PCDHA8: variants seen among roughly 807,000 people sequenced by gnomAD.
PCDHA8 encodes protocadherin alpha-8.
Under a neutral mutation model 61.8 loss-of-function variants are expected in PCDHA8, and 53 were observed. The ratio of observed to expected loss-of-function variants is 0.86; its 90% CI spans 0.69 to 1.08. The LOEUF (loss-of-function observed/expected upper bound fraction) is 1.08, where lower values mean the gene tolerates loss of function less well. PCDHA8 is among the 50% of genes least tolerant of loss of function. The pLI is 0.00. For synonymous variants in PCDHA8, 618 were observed against 556.6 expected (o/e 1.11, Z -1.55); for missense variants, 1,293 against 1,245.0 (o/e 1.04, Z -0.58).
At chr5:140,859,726 A>G (rs929910976) in intron 1 of PCDHA8, 1 of 154,384 alleles carries the variant, frequency 6.5e-6, no homozygotes, top group Admixed American at 6.4e-5. Context: ...AAATTGTGGC[A>G]AGAATTTAAG....
chr5:140,976,378 C>A (rs908008970), intron 1 of PCDHA8, among the ~76,000 whole-genome samples: 2 of 151,926 alleles, frequency 1.3e-5, no homozygotes, highest in Non-Finnish European at 2.9e-5. Flanking sequence ...TGGTGAAACC[C>A]CATCTCTACT....
intron 1 of PCDHA8, chr5:140,884,006 C>T (rs369069323): frequency 1.2e-6 from 2 of 1,612,906 alleles, no homozygotes; most frequent in African/African-American, 2.7e-5. Context: ...AGTGAGCGAG[C>T]TGATGCCGCG....
Position 140,856,821 on chromosome 5 carries a change from C to G in PCDHA8, c.2394+13106C>G, listed in dbSNP as rs1554149155. ...ATGTATGAAAATCAAGTGAACCAAA[C>G]ATTAGTAATACGGCTCAACGCTTCT... is the stretch of plus-strand genomic sequence containing the variant. On this transcript the variant is annotated intron_variant, in intron 1 of 3. Transcript: ENST00000531613. 2.5e-6 allele frequency: 4 copies of G among 1,592,396 alleles called. 1 individual carries two copies. The South Asian group carries it at 4.4e-5, about 18-fold the overall frequency.
At chr5:140,984,973 T>C (rs1397062066) in intron 3 of PCDHA8, among the ~76,000 whole-genome samples, 1 of 152,150 alleles carries the variant, frequency 6.6e-6, no homozygotes, top group Non-Finnish European at 1.5e-5. Context: ...AGTCTCGCTC[T>C]GTCCCCCAGG....
At chr5:140,923,362 T>C (rs1294539314) in intron 1 of PCDHA8, among the ~76,000 whole-genome samples, 1 of 152,136 alleles carries the variant, frequency 6.6e-6, no homozygotes, top group East Asian at 1.9e-4. Context: ...CCTATCTTTA[T>C]AAAATATTTT....
At chr5:140,851,732 T>C in intron 1 of PCDHA8, 2 of 971,434 alleles carry the variant, frequency 2.1e-6, no homozygotes, top group Non-Finnish European at 2.5e-6. Context: ...CGAGTTCTTT[T>C]GAAATTCAGA....
chr5:140,875,218 C>T (rs2055357705), intron 1 of PCDHA8: 1 of 744,910 alleles, frequency 1.3e-6, no homozygotes, highest in South Asian at 3.4e-5. Flanking sequence ...CGAAAAGAAC[C>T]TCAGGATCTT....
intron 1 of PCDHA8, among the ~76,000 whole-genome samples, chr5:140,916,528 C>T (rs2077601043): frequency 6.6e-6 from 1 of 152,154 alleles, no homozygotes; most frequent in South Asian, 2.1e-4. Context: ...TGGGTCCTTC[C>T]CACCAAGGCA....
At chr5:140,954,938 GT>G (rs2095112203) in intron 1 of PCDHA8, among the ~76,000 whole-genome samples, 1 of 152,078 alleles carries the variant, frequency 6.6e-6, no homozygotes, top group Admixed American at 6.6e-5. Flanking sequence ...TTAATCTTGA[GT>G]TAATTTTTGT....
chr5:140,841,872 CA>C lies in PCDHA8; in HGVS notation c.554del (p.Lys185ArgfsTer12). 6.2e-7 allele frequency: 1 copy of C among 1,613,796 alleles called. No homozygotes were observed. The highest frequency in any genetic ancestry group is 8.5e-7 in the Non-Finnish European group (1 of 1,179,804). On this transcript the variant is annotated frameshift_variant, in exon 1 of 4. Transcript: ENST00000531613. LOFTEE classifies it high-confidence loss of function. ...GATTACTTCATGCTAGATGTGAATT[CA>C]AAGAACGATGAGAATAAACTGGTTG... ...SHDYFMLDVN[S>X]KNDENKLVEL...
Position 141,005,701 on chromosome 5 carries a change from C to CAAA in PCDHA8, c.2543-3898_2543-3896dup, listed in dbSNP as rs59860837. ...TGGGCGACAGAGCGAAACTCCGTCTCAAAAAAAAAAAAAAAAAAAAAAAAA... is the reference window on the plus strand; with the variant it reads ...TGGGCGACAGAGCGAAACTCCGTCTCAAAAAAAAAAAAAAAAAAAAAAAAAAAA... On this transcript the variant is annotated intron_variant, in intron 3 of 3. Transcript: ENST00000531613. Among the ~76,000 whole-genome samples the CAAA allele has an allele frequency of 9.1e-3, 71 of 7,774 alleles. 6 individuals are homozygous for CAAA. Among genetic ancestry groups the CAAA allele is most frequent in the Non-Finnish European group, 0.012 (43 of 3,684 alleles). 5.1% of individuals were successfully genotyped at this position (7,774 alleles called of 152,430 possible).
intron 1 of PCDHA8, among the ~76,000 whole-genome samples, chr5:140,892,438 ATT>A (rs2063515415): frequency 6.6e-6 from 1 of 152,198 alleles, no homozygotes; most frequent in African/African-American, 2.4e-5. Context: ...ATTATCTAAA[ATT>A]TACATGTATT....
chr5:140,882,735 G>C, intron 1 of PCDHA8: 1 of 1,614,216 alleles, frequency 6.2e-7, no homozygotes, highest in Non-Finnish European at 8.5e-7. Flanking sequence ...CCACTAGATG[G>C]CGCATCCGAT....
At chr5:140,969,363 C>G (rs367871893) in intron 1 of PCDHA8, 4 of 1,610,614 alleles carry the variant, frequency 2.5e-6, no homozygotes, top group East Asian at 4.5e-5. Flanking sequence ...CTTCTACAAA[C>G]TCATGCATTT....
chr5:140,842,210 C>G lies in PCDHA8; in HGVS notation c.889C>G (p.Arg297Gly), dbSNP rs782194934. 6.2e-7 allele frequency: 1 copy of G among 1,613,418 alleles called. No homozygotes were observed. Residue 297 changes from arginine to glycine, a missense_variant, in exon 1 of 4, where the codon CGA becomes GGA. Coordinates refer to ENST00000531613, the MANE Select transcript of PCDHA8 (RefSeq NM_018911.3). ...TMVIDHFSIDRNTGEIVIRGN... is the reference protein window; with the variant it reads ...TMVIDHFSIDGNTGEIVIRGN... Reference sequence around the variant, plus strand: ...GGTTATTGACCACTTTAGCATAGATCGAAATACGGGAGAAATAGTGATTCG... The same window carrying G: ...GGTTATTGACCACTTTAGCATAGATGGAAATACGGGAGAAATAGTGATTCG...
At position 140,843,305 on chromosome 5, in the gene PCDHA8, A is replaced by T. The variant is rs2150356964; in HGVS notation, c.1984A>T (p.Thr662Ser). ...KDHGEPALTATATVLVSLVES... is the reference protein window; with the variant it reads ...KDHGEPALTASATVLVSLVES... ...TCATGGTGAACCTGCGCTGACCGCCACGGCCACGGTTCTGGTGTCGCTGGT... is the reference window on the plus strand; with the variant it reads ...TCATGGTGAACCTGCGCTGACCGCCTCGGCCACGGTTCTGGTGTCGCTGGT... Residue 662 changes from threonine to serine, a missense_variant, in exon 1 of 4, where the codon ACG (threonine) becomes TCG (serine). Coordinates refer to ENST00000531613, the MANE Select transcript of PCDHA8 (RefSeq NM_018911.3). 1.9e-6 allele frequency: 3 copies of T among 1,595,938 alleles called. No homozygotes were observed. In the East Asian group the frequency reaches 6.7e-5, roughly 36 times the overall value.
chr5:140,870,552 G>A, intron 1 of PCDHA8: 2 of 1,614,042 alleles, frequency 1.2e-6, no homozygotes, highest in Non-Finnish European at 1.7e-6. Context: ...ACGCGGACGC[G>A]CAGGAGAACG....
chr5:140,942,545 G>T (rs981508818), intron 1 of PCDHA8, among the ~76,000 whole-genome samples: 1 of 151,970 alleles, frequency 6.6e-6, no homozygotes, highest in Non-Finnish European at 1.5e-5. Flanking sequence ...ATGGTGGGGG[G>T]TAGGGGGTTG....
At chr5:140,968,410 T>A (rs1554230678) in intron 1 of PCDHA8, 2 of 1,614,040 alleles carry the variant, frequency 1.2e-6, no homozygotes, top group Non-Finnish European at 1.7e-6. Flanking sequence ...TCTTTGTGAC[T>A]GTGGAGGCTC....
Sources: allele counts gnomAD v4.1 joint callset (sites outside exome capture counted in the v4.1 genomes callset), GRCh38; gene constraint gnomAD v4.1.1; transcripts MANE v1.5; gene names NCBI Gene and HGNC (gene_info 2026-07-23, HGNC 2026-07-21).